GATB: variants seen among roughly 807,000 people sequenced by gnomAD.
GATB encodes glutamyl-tRNA amidotransferase subunit B.
Under a neutral mutation model 62.3 loss-of-function variants are expected in GATB, and 39 were observed. The observed-to-expected ratio is 0.63, with a 90% CI of 0.48 to 0.82. The LOEUF (loss-of-function observed/expected upper bound fraction) is 0.82, where lower values mean the gene tolerates loss of function less well. Among genes scored for constraint, GATB ranks in the 40% least tolerant of loss-of-function variants. The pLI is 0.00. For synonymous variants in GATB, 276 were observed against 258.9 expected (o/e 1.07, Z -0.63); for missense variants, 670 against 684.0 (o/e 0.98, Z 0.23).
rs138085820 is a variant in GATB at position 151,678,935 on chromosome 4, C to T, written c.1410+878G>A. ...TGAGACGGAGTCTCGCTCTGTCACT[C>T]AGGCTGGAGTGCAGTGGCACAATGA... On this transcript the variant is annotated intron_variant, in intron 11 of 12. Transcript: ENST00000263985. Among the ~76,000 whole-genome samples the T allele has an allele frequency of 3.1e-3, 476 of 152,324 alleles. 3 individuals are homozygous for T. The highest frequency in any genetic ancestry group is 0.011 in the African/African-American group (458 of 41,572).
chr4:151,686,498 T>G (rs369757462), intron 10 of GATB, among the ~76,000 whole-genome samples: 1 of 151,670 alleles, frequency 6.6e-6, no homozygotes, highest in African/African-American at 2.4e-5. Flanking sequence ...CAGCCTGGGC[T>G]CCCCCTGCCC....
intron 2 of GATB, chr4:151,722,330 C>A: frequency 1.5e-6 from 1 of 649,752 alleles, no homozygotes; most frequent in Non-Finnish European, 2.7e-6. Context: ...AACCTGCCAG[C>A]ATCTGCAAAC....
At chr4:151,697,978 T>TATATGTGTATATATAC (rs1738520331) in intron 9 of GATB, among the ~76,000 whole-genome samples, 1 of 133,300 alleles carries the variant, frequency 7.5e-6, no homozygotes, top group South Asian at 2.3e-4. Flanking sequence ...TATATATATA[T>TATATGTGTATATATAC]ATATATATAT....
At chr4:151,757,365 C>A (rs890947314) in intron 2 of GATB, among the ~76,000 whole-genome samples, 9 of 152,070 alleles carry the variant, frequency 5.9e-5, no homozygotes, top group African/African-American at 1.9e-4. Flanking sequence ...CTGAGTGAGG[C>A]AGGCATACTG....
chr4:151,691,684 T>C (rs1188416728), intron 9 of GATB: 1 of 152,314 alleles, frequency 6.6e-6, no homozygotes, highest in African/African-American at 2.4e-5. Flanking sequence ...ATGCAAATGC[T>C]GGAAGACTCT....
intron 7 of GATB, 40 bp from the exon 8 acceptor site, chr4:151,703,935 A>G (rs775921634): frequency 6.9e-7 from 1 of 1,447,030 alleles, no homozygotes; most frequent in Admixed American, 1.7e-5. Context: ...CATTGAAAGC[A>G]GCACTGGCCA....
At chr4:151,692,262 G>A (rs1738380995) in intron 9 of GATB, among the ~76,000 whole-genome samples, 1 of 152,180 alleles carries the variant, frequency 6.6e-6, no homozygotes, top group Admixed American at 6.5e-5. Flanking sequence ...TGCGGTTTGT[G>A]CTTTTAACCT....
At chr4:151,692,147 A>G (rs1484375006) in intron 9 of GATB, among the ~76,000 whole-genome samples, 1 of 151,758 alleles carries the variant, frequency 6.6e-6, no homozygotes, top group African/African-American at 2.4e-5. Context: ...CCCAACAACA[A>G]CTCTCTGAGC....
intron 9 of GATB, among the ~76,000 whole-genome samples, chr4:151,694,981 G>C (rs939962293): frequency 6.6e-6 from 1 of 152,152 alleles, no homozygotes; most frequent in Non-Finnish European, 1.5e-5. Context: ...TTTAAAAGTG[G>C]AAGAACCAGC....
At chr4:151,693,092 C>T (rs116546064) in intron 9 of GATB, among the ~76,000 whole-genome samples, 1,929 of 152,262 alleles carry the variant, frequency 0.013, 40 homozygotes, top group African/African-American at 0.044. Flanking sequence ...TGCGTATCAA[C>T]GCAGGCACTG....
rs1346395931 is a variant in GATB at position 151,679,829 on chromosome 4, G to A, written c.1394C>T (p.Ser465Leu). The change falls in exon 11 of 13, where the codon TCA (serine) becomes TTA (leucine). Residue 465 changes from serine (S) to leucine (L), a missense_variant. Ser to Leu is a moderately radical substitution (Grantham distance 145, BLOSUM62 -2). Coordinates refer to ENST00000263985, the MANE Select transcript of GATB (RefSeq NM_004564.3). The stretch of plus-strand genomic sequence containing the variant: ...TGGACATACCTGTTTAGCTGCTGAT[G>A]AAGAAATTGTTCTGCTGTCCAGCAG... ...LDLLDSRTISSSAAKQVFEEL... is the reference protein window; with the variant it reads ...LDLLDSRTISLSAAKQVFEEL... 6.2e-7 allele frequency: 1 copy of A among 1,613,980 alleles called. No homozygotes were observed.
chr4:151,678,449 C>T (rs1738058882), intron 11 of GATB, among the ~76,000 whole-genome samples: 1 of 152,130 alleles, frequency 6.6e-6, no homozygotes, highest in Non-Finnish European at 1.5e-5. Context: ...CTCTCTCTCT[C>T]TCTCTCTCTA....
At chr4:151,701,053 C>G (rs888503997) in intron 9 of GATB, among the ~76,000 whole-genome samples, 1 of 152,220 alleles carries the variant, frequency 6.6e-6, no homozygotes, top group African/African-American at 2.4e-5. Context: ...TTCAAGAAGT[C>G]TCCACAGCTG....
At chr4:151,735,053 A>T (rs116177333) in intron 2 of GATB, among the ~76,000 whole-genome samples, 6 of 152,228 alleles carry the variant, frequency 3.9e-5, no homozygotes, top group African/African-American at 1.4e-4. Flanking sequence ...ACCCAAAAGC[A>T]AAAGCAGTAA....
Position 151,697,947 on chromosome 4 carries a change from G to GTGTGTATATATATATATA in GATB, c.1197+3381_1197+3382insTATATATATATATACACA, listed in dbSNP as rs1560847625. Among the ~76,000 whole-genome samples, 314 of 73,468 alleles carry GTGTGTATATATATATATA rather than the reference G, an allele frequency of 4.3e-3. 9 individuals are homozygous for GTGTGTATATATATATATA. Among genetic ancestry groups the GTGTGTATATATATATATA allele is most frequent in the African/African-American group, 0.028 (296 of 10,528 alleles). 48.2% of individuals were successfully genotyped at this position (73,468 alleles called of 152,430 possible). On this transcript the variant is annotated intron_variant, in intron 9 of 12. Transcript: ENST00000263985. ...ATCGATTTCATATATATGTGTGTGT[G>GTGTGTATATATATATATA]TGTGTGTATATATATATATATATAT...
intron 2 of GATB, among the ~76,000 whole-genome samples, chr4:151,748,754 AT>A: frequency 6.6e-6 from 1 of 152,248 alleles, no homozygotes; most frequent in East Asian, 1.9e-4. Flanking sequence ...AATATTTGCA[AT>A]CTACCCATCT....
chr4:151,688,042 C>T (rs573604800), intron 10 of GATB, among the ~76,000 whole-genome samples: 23 of 152,320 alleles, frequency 1.5e-4, no homozygotes, highest in South Asian at 1.5e-3. Context: ...GTCATCTCCG[C>T]GGCTCTGTCC....
chr4:151,728,683 T>C (rs1043207078), intron 2 of GATB, among the ~76,000 whole-genome samples: 1 of 152,214 alleles, frequency 6.6e-6, no homozygotes, highest in Non-Finnish European at 1.5e-5. Flanking sequence ...CTATTTCACA[T>C]CACTGAAACC....
At chr4:151,697,612 ATAT>A (rs1052117690) in intron 9 of GATB, among the ~76,000 whole-genome samples, 1 of 147,946 alleles carries the variant, frequency 6.8e-6, no homozygotes, top group African/African-American at 2.4e-5. Flanking sequence ...CCCTACATTT[ATAT>A]TATAATAAAT....
Sources: gnomAD v4.1 joint callset for allele counts (sites outside exome capture counted in the v4.1 genomes callset) on GRCh38, gnomAD v4.1.1 for gene constraint, MANE v1.5 for transcripts, NCBI Gene and HGNC (gene_info 2026-07-23, HGNC 2026-07-21) for gene names.